B4GALT6: variants seen among roughly 807,000 people sequenced by gnomAD.
B4GALT6 encodes the protein beta-1,4-galactosyltransferase 6.
B4GALT6 carries 14 observed loss-of-function variants against 46.3 expected under a neutral mutation model. The observed-to-expected ratio is 0.30, with a 90% CI of 0.20 to 0.47. The LOEUF is 0.47. B4GALT6 is among the 20% of genes least tolerant of loss of function. The pLI is 0.99. For missense variants in B4GALT6, 386 were observed against 480.1 expected (o/e 0.80, Z 1.83); for synonymous variants, 168 against 162.0 (o/e 1.04, Z -0.28).
the B4GALT6 span, among the ~76,000 whole-genome samples, chr18:31,692,848 T>C: frequency 6.6e-6 from 1 of 152,164 alleles, no homozygotes; most frequent in African/African-American, 2.4e-5. Flanking sequence ...AAGAAACATA[T>C]GCACACTTAC....
At chr18:31,701,906 C>T in the B4GALT6 span, among the ~76,000 whole-genome samples, 1 of 151,978 alleles carries the variant, frequency 6.6e-6, no homozygotes, top group Non-Finnish European at 1.5e-5. Context: ...GAACATATTA[C>T]ATAATATTTT....
At chr18:31,635,735 T>C (rs1004583073) in intron 5 of B4GALT6, among the ~76,000 whole-genome samples, 1 of 152,138 alleles carries the variant, frequency 6.6e-6, no homozygotes, top group Non-Finnish European at 1.5e-5. Flanking sequence ...GGAGAATCGC[T>C]TGAACCTGGG....
chr18:31,707,446 G>A, the B4GALT6 span, among the ~76,000 whole-genome samples: 4 of 151,890 alleles, frequency 2.6e-5, no homozygotes, highest in African/African-American at 9.7e-5. Flanking sequence ...CTCATTACGA[G>A]TTGTAGCTTT....
Position 31,663,393 on chromosome 18 carries a change from T to G in B4GALT6, c.232+2863A>C, listed in dbSNP as rs78364463. Reference sequence around the variant, plus strand: ...CCACTCTAACATTGCATGGCCCTTATCTGCTTCAGTAATTAGATGAATTCA... The same window carrying G: ...CCACTCTAACATTGCATGGCCCTTAGCTGCTTCAGTAATTAGATGAATTCA... On this transcript the variant is annotated intron_variant, in intron 2 of 8. Transcript: ENST00000306851. Among the ~76,000 whole-genome samples the G allele has an allele frequency of 6.2e-3, 938 of 152,306 alleles. 11 individuals carry two copies. The highest frequency in any genetic ancestry group is 0.022 in the African/African-American group (898 of 41,570).
At chr18:31,685,344 C>T (rs561028052), upstream of B4GALT6, among the ~76,000 whole-genome samples, 1 of 151,674 alleles carries the variant, frequency 6.6e-6, no homozygotes, top group East Asian at 2.0e-4. Context: ...GGCCGAGCGC[C>T]GTCGGAGCCG....
intron 1 of B4GALT6, among the ~76,000 whole-genome samples, chr18:31,671,425 T>TA (rs2144709085): frequency 6.6e-6 from 1 of 152,342 alleles, no homozygotes; most frequent in Admixed American, 6.5e-5. Context: ...CCTGACTTTT[T>TA]AATGATCACC....
the B4GALT6 span, among the ~76,000 whole-genome samples, chr18:31,698,395 C>T: frequency 6.6e-6 from 1 of 152,120 alleles, no homozygotes; most frequent in Non-Finnish European, 1.5e-5. Flanking sequence ...CTTTGGGAGG[C>T]CGAGCAGGCA....
At chr18:31,639,880 C>A (rs1028832376) in intron 4 of B4GALT6, among the ~76,000 whole-genome samples, 3 of 152,078 alleles carry the variant, frequency 2.0e-5, no homozygotes, top group Non-Finnish European at 2.9e-5. Context: ...TAATTCAAAT[C>A]CTCTATTTCT....
chr18:31,674,943 T>A (rs1041313126), intron 1 of B4GALT6, among the ~76,000 whole-genome samples: 6 of 152,222 alleles, frequency 3.9e-5, no homozygotes, highest in Non-Finnish European at 8.8e-5. Flanking sequence ...AAATCTGCAG[T>A]GCAAATTATT....
intron 4 of B4GALT6, among the ~76,000 whole-genome samples, chr18:31,641,263 A>C (rs2073927640): frequency 6.6e-6 from 1 of 152,254 alleles, no homozygotes; most frequent in Non-Finnish European, 1.5e-5. Flanking sequence ...TTTAAATATC[A>C]AGTGTTTTTT....
At chr18:31,638,575 T>TGA (rs1324518760) in intron 5 of B4GALT6, 69 bp downstream of exon 5, 1 of 1,231,570 alleles carries the variant, frequency 8.1e-7, no homozygotes, top group East Asian at 2.3e-5. Context: ...CCTAAATATG[T>TGA]TTAATCTAAC....
chr18:31,656,949 G>A (rs2074147537), intron 3 of B4GALT6, among the ~76,000 whole-genome samples: 1 of 152,182 alleles, frequency 6.6e-6, no homozygotes, highest in African/African-American at 2.4e-5. Context: ...CCAGGAATGA[G>A]GGAAGTGAAA....
intron 4 of B4GALT6, among the ~76,000 whole-genome samples, chr18:31,642,700 G>C (rs1462892076): frequency 4.6e-5 from 7 of 152,204 alleles, no homozygotes; most frequent in African/African-American, 1.7e-4. Flanking sequence ...GAAATTACTA[G>C]TGGTTTTTTG....
chr18:31,632,502 T>C (rs1163603406), intron 5 of B4GALT6, among the ~76,000 whole-genome samples: 1 of 152,204 alleles, frequency 6.6e-6, no homozygotes, highest in Admixed American at 6.5e-5. Context: ...ACTCTTCCCA[T>C]TTATTCCGGT....
At chr18:31,626,941 C>G in intron 7 of B4GALT6, 58 bp downstream of exon 7, 2 of 1,431,166 alleles carry the variant, frequency 1.4e-6, no homozygotes, top group Non-Finnish European at 1.9e-6. Context: ...TACAATTTAC[C>G]TAATATAAAT....
chr18:31,711,293 C>T, the B4GALT6 span, among the ~76,000 whole-genome samples: 2,722 of 152,190 alleles, frequency 0.018, 63 homozygotes, highest in African/African-American at 0.062. Context: ...GGGTACATTG[C>T]AGGTTGATTA....
intron 3 of B4GALT6, among the ~76,000 whole-genome samples, chr18:31,651,460 T>C (rs1207430775): frequency 6.6e-6 from 1 of 152,132 alleles, no homozygotes; most frequent in Non-Finnish European, 1.5e-5. Flanking sequence ...TTAGTTGACT[T>C]CACTTTTCAT....
chr18:31,684,493 C>T lies in B4GALT6; in HGVS notation c.-67G>A, dbSNP rs917550780. 20 of 1,573,238 alleles carry T rather than the reference C, an allele frequency of 1.3e-5. No individual in the cohort carries two copies. In the Middle Eastern group the frequency reaches 5.6e-4, roughly 44 times the overall value. ...CGGACTCGGGGCCACTGTCCAGGCC[C>T]TAAACTTCCATAAATGTGCTGAGAA... On this transcript the variant is annotated 5_prime_UTR_variant, in exon 1 of 9. The change abolishes the stop of an existing upstream ORF in the 5' untranslated region. Coordinates refer to ENST00000306851, the MANE Select transcript of B4GALT6 (RefSeq NM_004775.5).
At chr18:31,655,453 G>A (rs952673111) in intron 3 of B4GALT6, among the ~76,000 whole-genome samples, 2 of 152,158 alleles carry the variant, frequency 1.3e-5, no homozygotes, top group African/African-American at 4.8e-5. Context: ...AGGGGCAGTA[G>A]TGCTGAGACC....
Sources: gnomAD v4.1 joint callset for allele counts (sites outside exome capture counted in the v4.1 genomes callset) on GRCh38, gnomAD v4.1.1 for gene constraint, MANE v1.5 for transcripts, NCBI Gene and HGNC (gene_info 2026-07-23, HGNC 2026-07-21) for gene names.